FOXN3: variants seen among roughly 807,000 people sequenced by gnomAD.
The protein encoded by FOXN3 is forkhead box N3.
In FOXN3, 7 loss-of-function variants were observed where a neutral mutation model predicts 38.4. The ratio of observed to expected loss-of-function variants is 0.18; its 90% CI spans 0.10 to 0.34. The LOEUF is 0.34. FOXN3 is among the 10% of genes least tolerant of loss of function. The pLI is 1.00. For synonymous variants in FOXN3, 230 were observed against 242.2 expected (o/e 0.95, Z 0.47); for missense variants, 456 against 613.4 (o/e 0.74, Z 2.71).
rs531754691 is a variant in FOXN3 at position 89,459,525 on chromosome 14, G to T, written c.-14-47035C>A. Reference sequence around the variant, plus strand: ...AGGACTTGATCTAGAGCCTGCAGTGGACTGGAGCCGAGATTAGAATACACC... The same window carrying T: ...AGGACTTGATCTAGAGCCTGCAGTGTACTGGAGCCGAGATTAGAATACACC... On this transcript the variant is annotated intron_variant, in intron 1 of 6. Transcript: ENST00000345097. Among the ~76,000 whole-genome samples the T allele has an allele frequency of 2.0e-5, 3 of 152,278 alleles. No individual in the cohort carries two copies. In the East Asian group the frequency reaches 5.8e-4, roughly 29 times the overall value.
At chr14:89,186,704 G>A (rs538059898) in intron 4 of FOXN3, among the ~76,000 whole-genome samples, 19 of 152,312 alleles carry the variant, frequency 1.2e-4, no homozygotes, top group African/African-American at 3.4e-4. Flanking sequence ...TGCTGCAAAC[G>A]GGCAAAGTCT....
At chr14:89,313,040 C>T (rs1887608573) in intron 3 of FOXN3, among the ~76,000 whole-genome samples, 1 of 152,206 alleles carries the variant, frequency 6.6e-6, no homozygotes, top group Admixed American at 6.5e-5. Context: ...CTCAGCAAAT[C>T]ACTCACAACC....
chr14:89,480,491 G>T (rs1207395474), intron 1 of FOXN3, among the ~76,000 whole-genome samples: 1 of 151,858 alleles, frequency 6.6e-6, no homozygotes, highest in Non-Finnish European at 1.5e-5. Context: ...TGGCCAGCTG[G>T]CTCTGTGTCT....
intron 2 of FOXN3, among the ~76,000 whole-genome samples, chr14:89,354,543 TAA>T (rs760406905): frequency 9.9e-5 from 12 of 121,568 alleles, no homozygotes; most frequent in East Asian, 2.5e-4. Flanking sequence ...TGCTTTTTAT[TAA>T]AAAAAAAAAA....
At chr14:89,342,431 CA>C (rs1440673557) in intron 3 of FOXN3, among the ~76,000 whole-genome samples, 1 of 152,164 alleles carries the variant, frequency 6.6e-6, no homozygotes, top group Non-Finnish European at 1.5e-5. Context: ...ATGCTGAGAA[CA>C]AAATTATTCT....
intron 4 of FOXN3, among the ~76,000 whole-genome samples, chr14:89,228,426 G>A (rs1360102241): frequency 6.6e-6 from 1 of 152,196 alleles, no homozygotes; most frequent in Admixed American, 6.5e-5. Flanking sequence ...CAAGGTCACA[G>A]TCCGTAAGAA....
At chr14:89,205,579 G>A (rs560134513) in intron 4 of FOXN3, among the ~76,000 whole-genome samples, 12 of 152,356 alleles carry the variant, frequency 7.9e-5, no homozygotes, top group African/African-American at 1.4e-4. Context: ...GCAGGCCATC[G>A]ACGGCGGGAC....
At chr14:89,403,961 A>C (rs890853031) in intron 2 of FOXN3, among the ~76,000 whole-genome samples, 2 of 152,338 alleles carry the variant, frequency 1.3e-5, no homozygotes, top group South Asian at 2.1e-4. Context: ...CTTCTGCTAG[A>C]GAAGTTCCAC....
At chr14:89,293,822 C>T (rs1205661267) in intron 3 of FOXN3, among the ~76,000 whole-genome samples, 2 of 152,268 alleles carry the variant, frequency 1.3e-5, no homozygotes, top group East Asian at 3.9e-4. Flanking sequence ...GCAGTCTCTC[C>T]AGGCTATACC....
In FOXN3 at chr14:89,156,856, A is replaced by G. The variant is rs1886992610; in HGVS notation, c.*5558T>C. Reference sequence around the variant, plus strand: ...ATGGCCTCAACATACATACTCAAGAAATGTTGCATGTTTAAATAACTGAGA... The same window carrying G: ...ATGGCCTCAACATACATACTCAAGAGATGTTGCATGTTTAAATAACTGAGA... On this transcript the variant is annotated 3_prime_UTR_variant, in exon 6 of 6. Coordinates refer to ENST00000557258, the MANE Select transcript of FOXN3 (RefSeq NM_005197.4). 1 of 152,348 alleles carries G rather than the reference A, an allele frequency of 6.6e-6. No individual in the cohort carries two copies. The highest frequency in any genetic ancestry group is 1.5e-5 in the Non-Finnish European group (1 of 68,028). 9.4% of individuals were successfully genotyped at this position (152,348 alleles called of 1,614,324 possible).
chr14:89,266,111 A>G (rs2054039265), intron 4 of FOXN3, among the ~76,000 whole-genome samples: 1 of 152,212 alleles, frequency 6.6e-6, no homozygotes, highest in Admixed American at 6.5e-5. Flanking sequence ...GACAGTTGGT[A>G]AATATATTAA....
intron 1 of FOXN3, among the ~76,000 whole-genome samples, chr14:89,559,726 T>C (rs1895207488): frequency 6.6e-6 from 1 of 152,090 alleles, no homozygotes; most frequent in Non-Finnish European, 1.5e-5. Flanking sequence ...AAAGAACTTG[T>C]TTGTAAAAAC....
chr14:89,511,150 TTTC>T (rs1566680822), intron 1 of FOXN3, among the ~76,000 whole-genome samples: 312 of 18,870 alleles, frequency 0.017, 47 homozygotes, highest in Non-Finnish European at 0.047. Flanking sequence ...CTTTTCTTTC[TTTC>T]TTTCTTTCTT....
intron 2 of FOXN3, among the ~76,000 whole-genome samples, chr14:89,388,507 T>C (rs931512203): frequency 1.3e-5 from 2 of 152,034 alleles, no homozygotes; most frequent in African/African-American, 4.8e-5. Flanking sequence ...GAATGCGCCA[T>C]TGACTTACTC....
intron 1 of FOXN3, among the ~76,000 whole-genome samples, chr14:89,550,264 T>C (rs1328863711): frequency 6.6e-6 from 1 of 152,130 alleles, no homozygotes; most frequent in Non-Finnish European, 1.5e-5. Flanking sequence ...CCCATCCCCT[T>C]CCATTCTGAG....
At chr14:89,375,283 T>C (rs1383375633) in intron 2 of FOXN3, among the ~76,000 whole-genome samples, 1 of 152,240 alleles carries the variant, frequency 6.6e-6, no homozygotes. Context: ...TGTTATTATA[T>C]GTAAATTATG....
At chr14:89,199,623 C>CT (rs1403608193) in intron 4 of FOXN3, among the ~76,000 whole-genome samples, 1 of 152,150 alleles carries the variant, frequency 6.6e-6, no homozygotes, top group African/African-American at 2.4e-5. Flanking sequence ...AAATACTACA[C>CT]TATTTGTGGT....
chr14:89,378,825 G>T (rs1321362797), intron 2 of FOXN3, among the ~76,000 whole-genome samples: 4 of 151,054 alleles, frequency 2.6e-5, no homozygotes, highest in African/African-American at 7.3e-5. Context: ...TCCTGCCTTA[G>T]CCTCCCGAGT....
chr14:89,534,156 A>G (rs1277847000), intron 1 of FOXN3, among the ~76,000 whole-genome samples: 1 of 131,758 alleles, frequency 7.6e-6, no homozygotes, highest in Non-Finnish European at 1.5e-5. Context: ...CCCAGGCTGG[A>G]GTGCAGTGGC....
Sources: allele counts gnomAD v4.1 joint callset (sites outside exome capture counted in the v4.1 genomes callset), GRCh38; gene constraint gnomAD v4.1.1; transcripts MANE v1.5; gene names NCBI Gene and HGNC (gene_info 2026-07-23, HGNC 2026-07-21).